Variants in LPP observed in about 807,000 individuals in gnomAD.
LPP encodes lipoma-preferred partner.
A neutral mutation model predicts 60.4 loss-of-function variants in LPP; 38 were observed. The observed-to-expected ratio is 0.63, with a 90% CI of 0.49 to 0.83. The LOEUF is 0.83. LPP is among the 40% of genes least tolerant of loss of function. LPP has a pLI of 0.00. For missense variants in LPP, 902 were observed against 783.6 expected, an observed-to-expected ratio of 1.15 and a Z score of -1.80; for synonymous variants, 328 against 290.8, an observed-to-expected ratio of 1.13 and a Z score of -1.30.
intron 2 of LPP, among the ~76,000 whole-genome samples, chr3:188,299,716 G>A (rs1030605742): frequency 3.3e-5 from 5 of 152,194 alleles, no homozygotes; most frequent in African/African-American, 1.2e-4. Flanking sequence ...TGAGAGGGAA[G>A]TAAAACAGTT....
rs11459981 is a variant in LPP, at chr3:188,877,064, G to GTT, written c.*2594_*2595dup. 1,088 of 166,744 alleles carry GTT rather than the reference G, an allele frequency of 6.5e-3. No individual in the cohort carries two copies. Among genetic ancestry groups the GTT allele is most frequent in the Middle Eastern group, 0.02 (8 of 400 alleles). 10.3% of individuals were successfully genotyped at this position (166,744 alleles called of 1,614,324 possible). A position where few individuals can be genotyped will look rare whatever the true frequency, so the allele number is the denominator to read the frequency against. ...ATATGTAGAAACATTTAGATTTAGA[G>GTT]TTTTTTTTTTCTTTCACAAGGTATA... is the stretch of plus-strand genomic sequence containing the variant. On this transcript the variant is annotated 3_prime_UTR_variant, in exon 12 of 12. Coordinates refer to ENST00000617246, the MANE Select transcript of LPP (RefSeq NM_001375462.1).
At chr3:188,659,809 T>TGCAC (rs1197053430) in intron 7 of LPP, among the ~76,000 whole-genome samples, 6 of 109,004 alleles carry the variant, frequency 5.5e-5, no homozygotes, top group African/African-American at 2.9e-4. Flanking sequence ...TTAGATCCTA[T>TGCAC]GCACACACAC....
At chr3:188,261,049 G>T (rs1028681336) in intron 2 of LPP, among the ~76,000 whole-genome samples, 5 of 152,022 alleles carry the variant, frequency 3.3e-5, no homozygotes, top group African/African-American at 1.2e-4. Flanking sequence ...CTCCAGCCTG[G>T]GCCACAGAGC....
At chr3:188,330,728 A>G (rs564735504) in intron 2 of LPP, among the ~76,000 whole-genome samples, 1 of 152,280 alleles carries the variant, frequency 6.6e-6, no homozygotes, top group South Asian at 2.1e-4. Flanking sequence ...AGGTGGGAAT[A>G]TCACTTGAGC....
chr3:188,435,042 G>A (rs540982296), intron 4 of LPP, among the ~76,000 whole-genome samples: 6 of 152,106 alleles, frequency 3.9e-5, no homozygotes, highest in African/African-American at 1.2e-4. Flanking sequence ...AACATAATTC[G>A]AAGAAAATAT....
At chr3:188,240,181 T>G (rs1723520760) in intron 2 of LPP, 2 of 182,772 alleles carry the variant, frequency 1.1e-5, no homozygotes, top group East Asian at 8.9e-5. Context: ...TATGTGTAAA[T>G]GATATCTGTG....
At chr3:188,791,339 T>C (rs1743671546) in intron 9 of LPP, among the ~76,000 whole-genome samples, 1 of 152,232 alleles carries the variant, frequency 6.6e-6, no homozygotes, top group African/African-American at 2.4e-5. Context: ...CTCATTCTGT[T>C]GCTTCCCTAT....
At chr3:188,595,955 T>C (rs532599261) in intron 6 of LPP, among the ~76,000 whole-genome samples, 35 of 152,288 alleles carry the variant, frequency 2.3e-4, no homozygotes, top group African/African-American at 8.4e-4. Flanking sequence ...CACCCCTCCT[T>C]TGCCTCACCC....
chr3:188,252,474 T>G lies in LPP; in HGVS notation c.-67+26947T>G, dbSNP rs949109800. Among the ~76,000 whole-genome samples the G allele has an allele frequency of 2.6e-5, 4 of 151,766 alleles. No individual in the cohort carries two copies. In the South Asian group the frequency reaches 8.3e-4, roughly 31 times the overall value. On this transcript the variant is annotated intron_variant, in intron 2 of 11. Coordinates refer to ENST00000617246, the MANE Select transcript of LPP (RefSeq NM_001375462.1). ...ATTTCCATATCATTGGATATATTTT[T>G]GGGATATATTCTTAGAAATGGGTAT...
intron 7 of LPP, among the ~76,000 whole-genome samples, chr3:188,660,953 C>A (rs73056774): frequency 0.072 from 10,943 of 152,092 alleles, 1,078 homozygotes; most frequent in African/African-American, 0.22. Context: ...TAGAATCATG[C>A]GGAATACTTT....
At chr3:188,665,119 T>G (rs1458413498) in intron 7 of LPP, among the ~76,000 whole-genome samples, 1 of 152,220 alleles carries the variant, frequency 6.6e-6, no homozygotes, top group Non-Finnish European at 1.5e-5. Flanking sequence ...TATTGTTTTA[T>G]GTTTTCTGTT....
At chr3:188,757,723 A>G (rs1730725544) in intron 8 of LPP, among the ~76,000 whole-genome samples, 1 of 152,182 alleles carries the variant, frequency 6.6e-6, no homozygotes, top group South Asian at 2.1e-4. Flanking sequence ...CAGCTTTCAC[A>G]GGAATCTAAT....
intron 5 of LPP, among the ~76,000 whole-genome samples, chr3:188,514,179 G>C (rs1001945595): frequency 3.9e-5 from 6 of 152,076 alleles, no homozygotes; most frequent in Admixed American, 3.9e-4. Flanking sequence ...AGGAAGCTCA[G>C]GGTCAGGGCA....
intron 4 of LPP, among the ~76,000 whole-genome samples, chr3:188,407,207 C>G (rs556825451): frequency 6.6e-6 from 1 of 150,602 alleles, no homozygotes; most frequent in African/African-American, 2.4e-5. Flanking sequence ...ATATCTTACC[C>G]TCTTCATGAT....
At chr3:188,858,533 T>C (rs1764367944) in intron 9 of LPP, among the ~76,000 whole-genome samples, 1 of 152,192 alleles carries the variant, frequency 6.6e-6, no homozygotes. Context: ...ATCCTAACCC[T>C]AGTGCTTAAG....
chr3:188,804,878 A>G (rs1380957355), intron 9 of LPP, among the ~76,000 whole-genome samples: 1 of 151,998 alleles, frequency 6.6e-6, no homozygotes, highest in Non-Finnish European at 1.5e-5. Context: ...CCTTCTTTTC[A>G]TTAGTTTTCT....
chr3:188,807,693 TA>T (rs1228182061), intron 9 of LPP, among the ~76,000 whole-genome samples: 1 of 152,158 alleles, frequency 6.6e-6, no homozygotes, highest in African/African-American at 2.4e-5. Context: ...ATTTTCATTT[TA>T]TTTTCATAAG....
chr3:188,462,122 C>T (rs192211449), intron 4 of LPP, among the ~76,000 whole-genome samples: 103 of 152,160 alleles, frequency 6.8e-4, no homozygotes, highest in African/African-American at 2.4e-3. Flanking sequence ...GCAACACTTC[C>T]TTTCACGTTT....
intron 8 of LPP, among the ~76,000 whole-genome samples, chr3:188,721,131 A>G (rs923669989): frequency 1.1e-4 from 16 of 152,192 alleles, no homozygotes; most frequent in Non-Finnish European, 1.9e-4. Flanking sequence ...TTTTATTTAA[A>G]TCAATTAACT....
Sources: gnomAD v4.1 joint callset for allele counts (sites outside exome capture counted in the v4.1 genomes callset) on GRCh38, gnomAD v4.1.1 for gene constraint, MANE v1.5 for transcripts, NCBI Gene and HGNC (gene_info 2026-07-23, HGNC 2026-07-21) for gene names.